The following NAE1 variants were observed in gnomAD, a reference collection of about 807,000 sequenced individuals.
The protein encoded by NAE1 is NEDD8 activating enzyme E1 subunit 1.
NAE1 carries 59 observed loss-of-function variants against 88.0 expected under a neutral mutation model. That is an observed-to-expected ratio of 0.67 (90% CI 0.54 to 0.83). NAE1 has a LOEUF of 0.83. NAE1 is among the 40% of genes least tolerant of loss of function. The pLI, the probability that NAE1 is intolerant of heterozygous loss-of-function variation, is 0.00. For missense variants in NAE1, 554 were observed against 632.8 expected, an observed-to-expected ratio of 0.88 and a Z score of 1.34; for synonymous variants, 186 against 208.9, an observed-to-expected ratio of 0.89 and a Z score of 0.95.
intron 7 of NAE1, among the ~76,000 whole-genome samples, chr16:66,819,727 C>A (rs2145338175): frequency 6.6e-6 from 1 of 152,260 alleles, no homozygotes; most frequent in African/African-American, 2.4e-5. Context: ...CATTTTGGAG[C>A]ATTTCTGATT....
intron 7 of NAE1, among the ~76,000 whole-genome samples, chr16:66,820,321 A>G (rs1311657448): frequency 6.6e-6 from 1 of 152,182 alleles, no homozygotes; most frequent in African/African-American, 2.4e-5. Context: ...GCTTATATAA[A>G]CCCTCAGCTG....
rs1424320656 is a variant in NAE1, at chr16:66,826,676, C to A, written c.157+1G>T. 1.4e-5 allele frequency: 22 copies of A among 1,613,864 alleles called. No homozygotes were observed. Among genetic ancestry groups the A allele is most frequent in the Non-Finnish European group, 1.8e-5 (21 of 1,179,948 alleles). On this transcript the variant is annotated splice_donor_variant, in intron 2 of 19. Coordinates refer to ENST00000290810, the MANE Select transcript of NAE1 (RefSeq NM_003905.4). LOFTEE classifies it high-confidence loss of function. ...AGAACACAACCACAAACCTACGTTA[C>A]CTGGTAGTACCAAGTTTTTAAGAAT...
rs766442585 is a variant in NAE1 at position 66,806,027 on chromosome 16, CTAAAAA to C, written c.1331-7_1331-2del. On this transcript the variant is annotated splice_acceptor_variant and splice_polypyrimidine_tract_variant and intron_variant, in intron 17 of 19. Transcript: ENST00000290810. LOFTEE classifies it high-confidence loss of function. The stretch of plus-strand genomic sequence containing the variant: ...TCTTCAACTTGATAGTTAGATACTC[CTAAAAA>C]TAAAAGTTAGTTTTCATTAAAATAA... 1.1e-5 allele frequency: 18 copies of C among 1,597,262 alleles called. No individual in the cohort carries two copies. Among genetic ancestry groups the C allele is most frequent in the Non-Finnish European group, 1.3e-5 (15 of 1,175,184 alleles).
chr16:66,825,355 G>A (rs369812764), intron 3 of NAE1, among the ~76,000 whole-genome samples: 11 of 151,882 alleles, frequency 7.2e-5, no homozygotes, highest in Middle Eastern at 3.4e-3. Flanking sequence ...GCTGAGGTAG[G>A]AGAATGGCGT....
In NAE1 at chr16:66,826,900, G is replaced by GT. The variant is rs1597051509; in HGVS notation, c.54-121dup. ...CTGATATGATAACCACAGAATACAG[G>GT]TAAGACGGGAACAGATATTAGTATA... On this transcript the variant is annotated intron_variant, in intron 1 of 19. Coordinates refer to ENST00000290810, the MANE Select transcript of NAE1 (RefSeq NM_003905.4). The GT allele has an allele frequency of 7.0e-6, 6 of 859,004 alleles. No homozygotes were observed. The East Asian group carries it at 1.5e-4, about 22-fold the overall frequency. The allele number at this position is 859,004 out of a possible 1,614,324, so 53.2% of individuals were successfully genotyped here. A position where few individuals can be genotyped will look rare whatever the true frequency, so the allele number is the denominator to read the frequency against.
At chr16:66,807,513 GC>G (rs1400548621) in intron 17 of NAE1, among the ~76,000 whole-genome samples, 1 of 152,000 alleles carries the variant, frequency 6.6e-6, no homozygotes, top group Non-Finnish European at 1.5e-5. Flanking sequence ...GGTGGCGGGC[GC>G]CTATAGTCCC....
chr16:66,829,940 C>A (rs1056571293), intron 1 of NAE1, among the ~76,000 whole-genome samples: 2 of 151,984 alleles, frequency 1.3e-5, no homozygotes, highest in African/African-American at 4.8e-5. Flanking sequence ...GGCTGGAGTG[C>A]AGTGGCACGA....
chr16:66,816,031 C>T (rs946771853), intron 11 of NAE1, among the ~76,000 whole-genome samples: 2 of 152,204 alleles, frequency 1.3e-5, no homozygotes, highest in African/African-American at 2.4e-5. Context: ...GTAATAATAT[C>T]TTACGTGCCT....
At chr16:66,804,952 A>AT (rs201441484) in intron 19 of NAE1, among the ~76,000 whole-genome samples, 3 of 152,186 alleles carry the variant, frequency 2.0e-5, no homozygotes, top group East Asian at 1.9e-4. Flanking sequence ...TTTATTGTTT[A>AT]TAAGTCTATG....
chr16:66,826,603 C>CA lies in NAE1; in HGVS notation c.158-21dup. 1 of 1,614,072 alleles carries CA rather than the reference C, an allele frequency of 6.2e-7. No individual in the cohort carries two copies. Among genetic ancestry groups the CA allele is most frequent in the East Asian group, 2.2e-5 (1 of 44,866 alleles). ...CAATACCTGAGAGCCAAAACAGAGT[C>CA]AGTCAGGAATACATAGTTCTAGGTC... On this transcript the variant is annotated intron_variant, in intron 2 of 19. Coordinates refer to ENST00000290810, the MANE Select transcript of NAE1 (RefSeq NM_003905.4).
At chr16:66,817,157 C>T in intron 9 of NAE1, 129 bp from the exon 10 acceptor site, 2 of 1,269,446 alleles carry the variant, frequency 1.6e-6, no homozygotes, top group Non-Finnish European at 1.1e-6. Flanking sequence ...AAATCAGAGG[C>T]TCACTTGATA....
chr16:66,823,340 A>C (rs1328648644), intron 5 of NAE1, 34 bp from the exon 6 acceptor site: 2 of 1,522,922 alleles, frequency 1.3e-6, no homozygotes, highest in Non-Finnish European at 1.8e-6. Flanking sequence ...AACAAACAAA[A>C]AAAACCAATT....
rs367977178 is a variant in NAE1 at position 66,821,566 on chromosome 16, A to T, written c.402-7T>A. ...TGCTAAGCGTAGTGAAGTGCTGTTT[A>T]AAAAAAAAAAGCAAAATATGAACAT... On this transcript the variant is annotated splice_polypyrimidine_tract_variant and splice_region_variant and intron_variant, in intron 6 of 19. Coordinates refer to ENST00000290810, the MANE Select transcript of NAE1 (RefSeq NM_003905.4). The T allele has an allele frequency of 9.4e-5, 89 of 944,508 alleles. No homozygotes were observed. Among genetic ancestry groups the T allele is most frequent in the African/African-American group, 3.7e-4 (21 of 57,222 alleles). 58.5% of individuals were successfully genotyped at this position (944,508 alleles called of 1,614,324 possible).
intron 1 of NAE1, chr16:66,828,028 T>C (rs775103495): frequency 1.1e-5 from 17 of 1,613,776 alleles, no homozygotes; most frequent in African/African-American, 1.3e-5. Flanking sequence ...TCCACTCCAC[T>C]GTATGCTCCA....
chr16:66,803,130 A>G lies in NAE1; in HGVS notation c.1496-12T>C. 3 of 1,521,174 alleles carry G rather than the reference A, an allele frequency of 2.0e-6. No individual in the cohort carries two copies. In the South Asian group the frequency reaches 3.4e-5, roughly 17 times the overall value. The allele number at this position is 1,521,174 out of a possible 1,614,324, so 94.2% of individuals were successfully genotyped here. On this transcript the variant is annotated splice_polypyrimidine_tract_variant and intron_variant, in intron 19 of 19. Transcript: ENST00000290810. ...TTGAGCAGCAGCTCCTGAAAGGAAA[A>G]AGGAGAAAAGCAAATCTTTGAAAGA...
intron 11 of NAE1, among the ~76,000 whole-genome samples, chr16:66,814,535 G>C (rs1455644145): frequency 6.6e-6 from 1 of 150,734 alleles, no homozygotes; most frequent in Non-Finnish European, 1.5e-5. Context: ...CAAGGCTGCA[G>C]TGAGCAGTGA....
Position 66,826,590 on chromosome 16 carries a change from G to C in NAE1, c.158-7C>G. 3 of 1,614,086 alleles carry C rather than the reference G, an allele frequency of 1.9e-6. No homozygotes were observed. Among genetic ancestry groups the C allele is most frequent in the Non-Finnish European group, 2.5e-6 (3 of 1,179,998 alleles). On this transcript the variant is annotated splice_region_variant and splice_polypyrimidine_tract_variant and intron_variant, in intron 2 of 19. Coordinates refer to ENST00000290810, the MANE Select transcript of NAE1 (RefSeq NM_003905.4). ...ATTGTAAACGAACCAATACCTGAGAGCCAAAACAGAGTCAGTCAGGAATAC... is the reference window on the plus strand; with the variant it reads ...ATTGTAAACGAACCAATACCTGAGACCCAAAACAGAGTCAGTCAGGAATAC...
chr16:66,813,318 T>G, intron 13 of NAE1: 1 of 406,648 alleles, frequency 2.5e-6, no homozygotes, highest in Non-Finnish European at 4.4e-6. Flanking sequence ...AATTTTTCAA[T>G]TTGTAGAGAT....
chr16:66,804,661 C>T (rs1044453139), intron 19 of NAE1, among the ~76,000 whole-genome samples: 9 of 152,198 alleles, frequency 5.9e-5, no homozygotes, highest in Non-Finnish European at 8.8e-5. Flanking sequence ...CTGAATGGTT[C>T]GTTTCCCCCT....
Sources: gnomAD v4.1 joint callset for allele counts (sites outside exome capture counted in the v4.1 genomes callset) on GRCh38, gnomAD v4.1.1 for gene constraint, MANE v1.5 for transcripts, NCBI Gene and HGNC (gene_info 2026-07-23, HGNC 2026-07-21) for gene names.